The following RALGPS1 variants were observed in gnomAD, a reference collection of about 807,000 sequenced individuals.
RALGPS1 encodes the protein ras-specific guanine nucleotide-releasing factor RalGPS1.
A neutral mutation model predicts 78.8 loss-of-function variants in RALGPS1; 19 were observed. The ratio of observed to expected loss-of-function variants is 0.24; its 90% CI spans 0.17 to 0.35. The LOEUF (loss-of-function observed/expected upper bound fraction) is 0.35, where lower values mean the gene tolerates loss of function less well. Ranked by LOEUF, RALGPS1 falls within the 10% of genes least tolerant of loss-of-function variation. The pLI, the probability that RALGPS1 is intolerant of heterozygous loss-of-function variation, is 1.00. For synonymous variants in RALGPS1, 228 were observed against 256.3 expected (o/e 0.89, Z 1.06); for missense variants, 454 against 688.3 (o/e 0.66, Z 3.81).
chr9:126,932,662 TTTATATAAAGTACA>T (rs2035894771), intron 1 of RALGPS1, among the ~76,000 whole-genome samples: 1 of 152,082 alleles, frequency 6.6e-6, no homozygotes, highest in Non-Finnish European at 1.5e-5. Flanking sequence ...TACAAATCCA[TTTATATAAAGTACA>T]TTATATAATG....
chr9:126,914,821 G>C lies in RALGPS1; in HGVS notation c.-220G>C, dbSNP rs1468058735. 1 of 152,228 alleles carries C rather than the reference G, an allele frequency of 6.6e-6. No homozygotes were observed. The highest frequency in any genetic ancestry group is 1.5e-5 in the Non-Finnish European group (1 of 68,078). 9.4% of individuals were successfully genotyped at this position (152,228 alleles called of 1,614,324 possible). On this transcript the variant is annotated 5_prime_UTR_variant, in exon 1 of 19. Coordinates refer to ENST00000259351, the MANE Select transcript of RALGPS1 (RefSeq NM_014636.3). ...ACGGTTCCTACTGCGGCTGGGCACCGGCTCCGCTCCCGCGTCTGCCCGCGC... is the reference window on the plus strand; with the variant it reads ...ACGGTTCCTACTGCGGCTGGGCACCCGCTCCGCTCCCGCGTCTGCCCGCGC...
chr9:127,105,312 C>T (rs370020178), intron 8 of RALGPS1, among the ~76,000 whole-genome samples: 1 of 152,298 alleles, frequency 6.6e-6, no homozygotes. Flanking sequence ...AAGTGGGAGA[C>T]AAAAGACGGG....
At chr9:127,178,324 G>T in intron 11 of RALGPS1, 1 of 451,970 alleles carries the variant, frequency 2.2e-6, no homozygotes, top group Non-Finnish European at 3.4e-6. Flanking sequence ...TGGCAAGTGG[G>T]CAGGGCAAAA....
intron 1 of RALGPS1, among the ~76,000 whole-genome samples, chr9:126,944,460 G>C (rs956387508): frequency 6.6e-6 from 1 of 151,950 alleles, no homozygotes; most frequent in African/African-American, 2.4e-5. Context: ...CACGTAACAG[G>C]TGTAAAATGC....
chr9:127,063,799 C>T (rs759166887), intron 7 of RALGPS1, among the ~76,000 whole-genome samples: 9 of 152,164 alleles, frequency 5.9e-5, no homozygotes, highest in Non-Finnish European at 8.8e-5. Flanking sequence ...TAATTATGTA[C>T]GGCTTGTAAA....
chr9:126,999,506 G>C (rs140868391), intron 4 of RALGPS1, among the ~76,000 whole-genome samples: 246 of 152,150 alleles, frequency 1.6e-3, no homozygotes, highest in African/African-American at 5.8e-3. Context: ...CTTAACCCCT[G>C]GCACCACTGG....
At chr9:127,076,841 G>A (rs1267723580) in intron 8 of RALGPS1, among the ~76,000 whole-genome samples, 1 of 152,248 alleles carries the variant, frequency 6.6e-6, no homozygotes, top group Admixed American at 6.5e-5. Flanking sequence ...GGGGAACCAG[G>A]AAGGGCTTTC....
intron 8 of RALGPS1, chr9:127,093,648 G>A (rs1312523583): frequency 2.7e-6 from 4 of 1,496,336 alleles, no homozygotes; most frequent in Non-Finnish European, 2.7e-6. Context: ...ACCTCTGAGT[G>A]GGCTCTTCTA....
chr9:127,077,745 A>T lies in RALGPS1; in HGVS notation c.610+8389A>T, dbSNP rs534376221. Among the ~76,000 whole-genome samples, 13 of 152,138 alleles carry T rather than the reference A, an allele frequency of 8.5e-5. No individual in the cohort carries two copies. In the East Asian group the frequency reaches 2.5e-3, roughly 29 times the overall value. ...TTCCAAGGTTCCCCAAGGAGCACTC[A>T]TTTGTTCCACAGATCCATCCTGGTT... On this transcript the variant is annotated intron_variant, in intron 8 of 18. Transcript: ENST00000259351.
intron 4 of RALGPS1, among the ~76,000 whole-genome samples, chr9:126,987,143 G>A (rs1564367677): frequency 6.6e-6 from 1 of 152,122 alleles, no homozygotes; most frequent in Non-Finnish European, 1.5e-5. Flanking sequence ...TAAGAGCATG[G>A]TACCTGGGAT....
intron 11 of RALGPS1, chr9:127,184,439 A>C: frequency 4.4e-6 from 1 of 225,250 alleles, no homozygotes; most frequent in Non-Finnish European, 8.9e-6. Flanking sequence ...GTGAATGTGA[A>C]AGTGACCAGC....
chr9:126,918,887 C>T (rs1326832870), intron 1 of RALGPS1, among the ~76,000 whole-genome samples: 1 of 151,956 alleles, frequency 6.6e-6, no homozygotes, highest in Non-Finnish European at 1.5e-5. Context: ...TCAGGCTGGT[C>T]TTGAACTGCA....
At position 127,217,398 on chromosome 9, in the gene RALGPS1, A is replaced by G. The variant is rs920391552; in HGVS notation, c.1645-1342A>G. 4.4e-5 allele frequency: 44 copies of G among 990,468 alleles called. 1 individual carries two copies. In the African/African-American group the frequency reaches 6.8e-4, roughly 15 times the overall value. 61.4% of individuals were successfully genotyped at this position (990,468 alleles called of 1,614,324 possible). ...AATCACAGTACATCCGTGTGATGGA[A>G]TGCCAGGAGGGTGTAAGAAAGAGTG... On this transcript the variant is annotated intron_variant, in intron 18 of 18. Transcript: ENST00000259351.
chr9:127,085,748 G>A (rs2051652551), intron 8 of RALGPS1, among the ~76,000 whole-genome samples: 1 of 152,162 alleles, frequency 6.6e-6, no homozygotes, highest in African/African-American at 2.4e-5. Context: ...TCTGTTTGGG[G>A]TTTTGGAGCC....
At chr9:127,142,880 A>G (rs1538503) in intron 8 of RALGPS1, among the ~76,000 whole-genome samples, 79,720 of 152,052 alleles carry the variant, frequency 0.52, 21,702 homozygotes, top group African/African-American at 0.65. Flanking sequence ...ACGGTAAATA[A>G]CAATTATTAG....
chr9:126,962,373 G>T (rs754042981), intron 2 of RALGPS1, 27 bp downstream of exon 2: 3 of 1,612,524 alleles, frequency 1.9e-6, no homozygotes, highest in Non-Finnish European at 2.5e-6. Context: ...AATCGGGACA[G>T]TGGGTAGAGG....
chr9:127,001,753 G>A (rs529728969), intron 4 of RALGPS1, among the ~76,000 whole-genome samples: 91 of 152,200 alleles, frequency 6.0e-4, no homozygotes, highest in African/African-American at 2.0e-3. Flanking sequence ...GCGTGGAGGC[G>A]TGTGCCTGTA....
At chr9:126,961,957 G>A (rs757259947) in intron 1 of RALGPS1, among the ~76,000 whole-genome samples, 1 of 152,164 alleles carries the variant, frequency 6.6e-6, no homozygotes, top group Non-Finnish European at 1.5e-5. Context: ...AATGGGCCCA[G>A]TATTGCCAGA....
intron 8 of RALGPS1, among the ~76,000 whole-genome samples, chr9:127,078,065 C>G (rs913718878): frequency 6.6e-6 from 1 of 152,192 alleles, no homozygotes; most frequent in East Asian, 1.9e-4. Context: ...CTCCCCTTCC[C>G]TAAATCTAGG....
Sources: allele counts gnomAD v4.1 joint callset (sites outside exome capture counted in the v4.1 genomes callset), GRCh38; gene constraint gnomAD v4.1.1; transcripts MANE v1.5; gene names NCBI Gene and HGNC (gene_info 2026-07-23, HGNC 2026-07-21).